The following FAM161A variants were observed in gnomAD, a reference collection of about 807,000 sequenced individuals.
The protein encoded by FAM161A is protein FAM161A.
FAM161A carries 57 observed loss-of-function variants against 70.9 expected under a neutral mutation model. That is an observed-to-expected ratio of 0.80 (90% CI 0.65 to 1.00). The LOEUF (loss-of-function observed/expected upper bound fraction) is 1.00. FAM161A is among the 50% of genes least tolerant of loss of function. The pLI is 0.00. For synonymous variants in FAM161A, 299 were observed against 295.7 expected, an observed-to-expected ratio of 1.01 and a Z score of -0.12; for missense variants, 880 against 836.0, an observed-to-expected ratio of 1.05 and a Z score of -0.65.
Position 61,840,447 on chromosome 2 carries a change from G to A in FAM161A, c.557C>T (p.Pro186Leu). The A allele has an allele frequency of 6.2e-7, 1 of 1,613,908 alleles. No homozygotes were observed. Among genetic ancestry groups the A allele is most frequent in the Non-Finnish European group, 8.5e-7 (1 of 1,179,980 alleles). ...EELPNLEKEY[P>L]RKNRMMTYAK... ...ATAGGTCATCATTCTGTTTTTCCTA[G>A]GATACTCTTTTTCTAGGTTGGGTAA... is the stretch of plus-strand genomic sequence containing the variant. The change falls in exon 3 of 7, where the codon CCT becomes CTT. Residue 186 changes from proline to leucine, a missense_variant. Coordinates refer to ENST00000404929, the MANE Select transcript of FAM161A (RefSeq NM_001201543.2).
the FAM161A span, chr2:61,803,465 C>T: frequency 4.4e-5 from 27 of 618,044 alleles, no homozygotes; most frequent in Non-Finnish European, 6.2e-5. Flanking sequence ...GGCAAAAAGC[C>T]GAAGGAGTAA....
At chr2:61,847,822 ATGT>A (rs1226697206) in intron 1 of FAM161A, among the ~76,000 whole-genome samples, 1 of 152,148 alleles carries the variant, frequency 6.6e-6, no homozygotes, top group African/African-American at 2.4e-5. Flanking sequence ...GCTTTGTTTA[ATGT>A]TGTGTCCCCA....
the FAM161A span, among the ~76,000 whole-genome samples, chr2:61,818,769 G>A: frequency 6.6e-6 from 1 of 152,106 alleles, no homozygotes; most frequent in Admixed American, 6.6e-5. Flanking sequence ...ACTTATTCAG[G>A]TGAAGACCAT....
chr2:61,818,241 A>G, the FAM161A span, among the ~76,000 whole-genome samples: 1 of 152,034 alleles, frequency 6.6e-6, no homozygotes, highest in African/African-American at 2.4e-5. Context: ...TTTTCAGTAG[A>G]GATGGGATCT....
downstream of FAM161A, among the ~76,000 whole-genome samples, chr2:61,824,237 A>C (rs1672276323): frequency 7.5e-6 from 1 of 133,788 alleles, no homozygotes; most frequent in Non-Finnish European, 1.6e-5. Context: ...ACGGGGTTTC[A>C]CCGTGTTAGC....
At chr2:61,837,773 A>C (rs1294404654) in intron 4 of FAM161A, among the ~76,000 whole-genome samples, 1 of 152,332 alleles carries the variant, frequency 6.6e-6, no homozygotes, top group African/African-American at 2.4e-5. Flanking sequence ...TTAATAGTTT[A>C]CTTCCTAAGG....
chr2:61,823,695 G>A (rs1276362032), downstream of FAM161A, among the ~76,000 whole-genome samples: 2 of 151,954 alleles, frequency 1.3e-5, no homozygotes, highest in Non-Finnish European at 2.9e-5. Flanking sequence ...ACATATATAC[G>A]TGTGTGTTTG....
downstream of FAM161A, among the ~76,000 whole-genome samples, chr2:61,821,483 A>G (rs1672201393): frequency 6.6e-6 from 1 of 152,248 alleles, no homozygotes; most frequent in Non-Finnish European, 1.5e-5. Context: ...TAATTAGAGT[A>G]AGTAGATATC....
chr2:61,809,613 G>A, the FAM161A span, among the ~76,000 whole-genome samples: 1 of 152,164 alleles, frequency 6.6e-6, no homozygotes, highest in African/African-American at 2.4e-5. Flanking sequence ...TGGGGGTTGG[G>A]GGAGATGGGT....
chr2:61,830,971 G>T (rs1402223705), intron 5 of FAM161A, among the ~76,000 whole-genome samples: 2 of 151,634 alleles, frequency 1.3e-5, no homozygotes, highest in African/African-American at 4.8e-5. Flanking sequence ...AATTAGCCAG[G>T]CATGGTGGCA....
At chr2:61,808,344 C>T in the FAM161A span, among the ~76,000 whole-genome samples, 1 of 151,710 alleles carries the variant, frequency 6.6e-6, no homozygotes, top group African/African-American at 2.4e-5. Context: ...ACGATCTCAG[C>T]TCACTGCAAC....
intron 1 of FAM161A, chr2:61,846,881 C>T (rs551798927): frequency 5.1e-5 from 23 of 452,496 alleles, no homozygotes; most frequent in Admixed American, 9.5e-5. Context: ...AGTTTTCACT[C>T]GAAAAATCAA....
At chr2:61,808,104 C>A in the FAM161A span, among the ~76,000 whole-genome samples, 6 of 152,074 alleles carry the variant, frequency 3.9e-5, no homozygotes, top group Non-Finnish European at 8.8e-5. Context: ...TCAGTGATGG[C>A]GTGAGGCAGT....
chr2:61,839,381 G>T, intron 3 of FAM161A, 40 bp downstream of exon 3: 1 of 1,585,062 alleles, frequency 6.3e-7, no homozygotes, highest in Non-Finnish European at 8.7e-7. Flanking sequence ...CACTCATCTG[G>T]CAACCATGAG....
chr2:61,801,211 G>A, the FAM161A span, among the ~76,000 whole-genome samples: 1 of 151,898 alleles, frequency 6.6e-6, no homozygotes, highest in Non-Finnish European at 1.5e-5. Flanking sequence ...AAAAATTACT[G>A]GATTGGCCAG....
chr2:61,838,871 T>G (rs1267699705), intron 3 of FAM161A, among the ~76,000 whole-genome samples, 166 bp from the exon 4 acceptor site: 1 of 140,968 alleles, frequency 7.1e-6, no homozygotes, highest in Non-Finnish European at 1.5e-5. Context: ...TTTATTTATT[T>G]ATTTATTTAT....
chr2:61,826,426 C>T lies in FAM161A; in HGVS notation c.*29G>A. ...GACACCCTGACGCTGCAAACAACAG[C>T]AAGGGCATAGAGAGGAGACCTTGAT... On this transcript the variant is annotated 3_prime_UTR_variant, in exon 7 of 7. Coordinates refer to ENST00000404929, the MANE Select transcript of FAM161A (RefSeq NM_001201543.2). 1 of 1,610,704 alleles carries T rather than the reference C, an allele frequency of 6.2e-7. No individual in the cohort carries two copies. Among genetic ancestry groups the T allele is most frequent in the Non-Finnish European group, 8.5e-7 (1 of 1,178,002 alleles).
the FAM161A span, among the ~76,000 whole-genome samples, chr2:61,812,363 A>T: frequency 6.6e-6 from 1 of 152,174 alleles, no homozygotes; most frequent in Non-Finnish European, 1.5e-5. Flanking sequence ...TGATGATTTT[A>T]TATGGATTAT....
chr2:61,801,475 C>A, the FAM161A span, among the ~76,000 whole-genome samples: 13 of 146,668 alleles, frequency 8.9e-5, no homozygotes, highest in African/African-American at 3.3e-4. Flanking sequence ...CCAGCCTGAG[C>A]GACAGGGAGA....
Sources: gnomAD v4.1 joint callset for allele counts (sites outside exome capture counted in the v4.1 genomes callset) on GRCh38, gnomAD v4.1.1 for gene constraint, MANE v1.5 for transcripts, NCBI Gene and HGNC (gene_info 2026-07-23, HGNC 2026-07-21) for gene names.